RBM33: variants seen among roughly 807,000 people sequenced by gnomAD.
The protein encoded by RBM33 is RNA binding motif protein 33, also known as RNA-binding protein 33.
RBM33 carries 28 observed loss-of-function variants against 132.6 expected under a neutral mutation model. That is an observed-to-expected ratio of 0.21 (90% CI 0.16 to 0.29). The LOEUF (loss-of-function observed/expected upper bound fraction) is 0.29, where lower values mean the gene tolerates loss of function less well. RBM33 is among the 10% of genes least tolerant of loss of function. The pLI is 1.00. For synonymous variants in RBM33, 634 were observed against 593.0 expected (o/e 1.07, Z -1.01); for missense variants, 1,291 against 1,518.5 (o/e 0.85, Z 2.49).
chr7:155,742,226 G>A, intron 13 of RBM33, 120 bp downstream of exon 13: 2 of 920,484 alleles, frequency 2.2e-6, no homozygotes, highest in African/African-American at 1.9e-5. Flanking sequence ...TTTTCACCTG[G>A]GTCTTTTTTT....
rs1563183054 is a variant in RBM33 at position 155,766,607 on chromosome 7, C to T, written c.3327C>T (p.Thr1109=). The T allele has an allele frequency of 6.2e-7, 1 of 1,612,346 alleles. No homozygotes were observed. Among genetic ancestry groups the T allele is most frequent in the Admixed American group, 1.7e-5 (1 of 59,840 alleles). Residue 1109 remains threonine, a synonymous_variant, in exon 16 of 18, where the codon ACC becomes ACT. Transcript: ENST00000401878. ...VVSVEGLSSS[T]TDAQLKSLLM... is the part of the protein sequence containing the mutation. ...CTGTGGAGGGGCTGTCCTCGTCCAC[C>T]ACGGATGCCCAGCTGAAGAGCCTGC...
At chr7:155,753,289 T>A (rs951079746) in intron 14 of RBM33, among the ~76,000 whole-genome samples, 14 of 152,254 alleles carry the variant, frequency 9.2e-5, no homozygotes, top group African/African-American at 2.9e-4. Flanking sequence ...CTTTCTAGAT[T>A]TGCAAAATGG....
intron 9 of RBM33, among the ~76,000 whole-genome samples, chr7:155,734,850 A>G (rs1406362833): frequency 6.6e-6 from 1 of 152,102 alleles, no homozygotes; most frequent in Non-Finnish European, 1.5e-5. Flanking sequence ...AAGCAGAGGC[A>G]GGCAGTTGTT....
At position 155,775,198 on chromosome 7, in the gene RBM33, T is replaced by A; in HGVS notation, c.*157T>A. ...AGCGCCAGCCAGCCACGGGCCTGATTCCAGAGGAGCCGAACTGACAGGACA... is the reference window on the plus strand; with the variant it reads ...AGCGCCAGCCAGCCACGGGCCTGATACCAGAGGAGCCGAACTGACAGGACA... On this transcript the variant is annotated 3_prime_UTR_variant, in exon 18 of 18. Coordinates refer to ENST00000401878, the MANE Select transcript of RBM33 (RefSeq NM_053043.3). 1 of 734,298 alleles carries A rather than the reference T, an allele frequency of 1.4e-6. No homozygotes were observed. Among genetic ancestry groups the A allele is most frequent in the Non-Finnish European group, 2.5e-6 (1 of 403,618 alleles). The allele number at this position is 734,298 out of a possible 1,614,324, so 45.5% of individuals were successfully genotyped here.
intron 7 of RBM33, among the ~76,000 whole-genome samples, chr7:155,708,642 A>G (rs1039933521): frequency 6.6e-6 from 1 of 152,220 alleles, no homozygotes; most frequent in Non-Finnish European, 1.5e-5. Context: ...TCTGGATTGT[A>G]ATGTGACTGA....
chr7:155,659,965 T>C (rs1466171586), intron 1 of RBM33, among the ~76,000 whole-genome samples: 3 of 152,228 alleles, frequency 2.0e-5, no homozygotes, highest in South Asian at 2.1e-4. Context: ...ATGTGTCTGT[T>C]TGTCCCCAAA....
intron 9 of RBM33, among the ~76,000 whole-genome samples, chr7:155,733,332 C>T (rs998799334): frequency 2.1e-5 from 3 of 140,782 alleles, no homozygotes; most frequent in African/African-American, 8.2e-5. Flanking sequence ...ACTCCCCCCA[C>T]TGCGTTTTTA....
At chr7:155,678,780 G>A (rs970012502) in intron 4 of RBM33, 96 bp downstream of exon 4, 3 of 672,400 alleles carry the variant, frequency 4.5e-6, no homozygotes, top group South Asian at 1.9e-5. Flanking sequence ...GAATAATGTA[G>A]CCTTATATCT....
At position 155,657,259 on chromosome 7, in the gene RBM33, G is replaced by A. The variant is rs115628940; in HGVS notation, c.44-7916G>A. ...ATTTCCGGAAAGTGCTACGTAGCAC[G>A]ATGGCAGTTAAATTTCCTTCCGGAG... is the stretch of plus-strand genomic sequence containing the variant. On this transcript the variant is annotated intron_variant, in intron 1 of 17. Transcript: ENST00000401878. 4.2e-3 allele frequency among the ~76,000 whole-genome samples: 633 copies of A among 152,186 alleles called. 9 individuals carry two copies. Among genetic ancestry groups the A allele is most frequent in the African/African-American group, 0.015 (608 of 41,502 alleles).
chr7:155,753,009 A>G (rs929721715), intron 14 of RBM33, among the ~76,000 whole-genome samples: 2 of 152,178 alleles, frequency 1.3e-5, no homozygotes, highest in African/African-American at 4.8e-5. Flanking sequence ...TTTCAGGTAC[A>G]TTATAAATGT....
At chr7:155,684,882 C>A (rs764252479) in intron 5 of RBM33, 537 of 1,511,522 alleles carry the variant, frequency 3.6e-4, no homozygotes, top group Non-Finnish European at 4.4e-4. Flanking sequence ...CGTAAAAAAA[C>A]CACCCCAAAG....
At position 155,740,093 on chromosome 7, in the gene RBM33, G is replaced by A. The variant is rs1399051548; in HGVS notation, c.2049+67G>A. 11 of 1,447,110 alleles carry A rather than the reference G, an allele frequency of 7.6e-6. No individual in the cohort carries two copies. The Admixed American group carries it at 2.8e-4, about 37-fold the overall frequency. 89.6% of individuals were successfully genotyped at this position (1,447,110 alleles called of 1,614,324 possible). ...CCTTTTAACTTACAGGACTTGAGGG[G>A]CATAATATGTAGGTTAGAATATTTT... On this transcript the variant is annotated intron_variant, in intron 12 of 17. Transcript: ENST00000401878.
chr7:155,673,712 G>GTA (rs543737625), intron 3 of RBM33, among the ~76,000 whole-genome samples: 10 of 129,978 alleles, frequency 7.7e-5, no homozygotes, highest in Admixed American at 5.4e-4. Context: ...ATACACACGT[G>GTA]TATATATATA....
intron 13 of RBM33, among the ~76,000 whole-genome samples, chr7:155,744,055 G>A (rs1052633516): frequency 1.2e-4 from 18 of 152,168 alleles, no homozygotes; most frequent in African/African-American, 4.3e-4. Context: ...GGCTGGCACC[G>A]GGCACTCAAG....
intron 3 of RBM33, among the ~76,000 whole-genome samples, chr7:155,673,940 G>GTTTTTTTTTTTT (rs71186053): frequency 7.0e-4 from 38 of 54,186 alleles, no homozygotes; most frequent in East Asian, 2.0e-3. Context: ...TTTAGGCTTA[G>GTTTTTTTTTTTT]TTTTTTTTTT....
chr7:155,684,284 C>T (rs142024583), intron 5 of RBM33, among the ~76,000 whole-genome samples: 152 of 152,280 alleles, frequency 1.0e-3, no homozygotes, highest in African/African-American at 3.6e-3. Context: ...AGTCTACCTC[C>T]GCTGAGTAGG....
At chr7:155,700,717 A>G in intron 5 of RBM33, 56 bp from the exon 6 acceptor site, 1 of 1,240,214 alleles carries the variant, frequency 8.1e-7, no homozygotes. Flanking sequence ...TTAATATTTA[A>G]TTCAAAAGAA....
Position 155,644,843 on chromosome 7 carries a change from T to G in RBM33, c.-34T>G, listed in dbSNP as rs553662089. 3,778 of 1,469,192 alleles carry G rather than the reference T, an allele frequency of 2.6e-3. 85 individuals carry two copies. The African/African-American group carries it at 0.048, about 19-fold the overall frequency. The allele number at this position is 1,469,192 out of a possible 1,614,324, so 91.0% of individuals were successfully genotyped here. On this transcript the variant is annotated 5_prime_UTR_variant, in exon 1 of 18. Coordinates refer to ENST00000401878, the MANE Select transcript of RBM33 (RefSeq NM_053043.3). ...CACGTCGGCCCACCAGCTGGCTTGG[T>G]GGGGGAGGCTGAAGGCCGGGCCCCG...
At chr7:155,650,780 G>A (rs535366078) in intron 1 of RBM33, among the ~76,000 whole-genome samples, 5 of 152,136 alleles carry the variant, frequency 3.3e-5, no homozygotes, top group Admixed American at 6.5e-5. Context: ...AGTCAATTAC[G>A]ATCATTTAAA....
Sources: gnomAD v4.1 joint callset for allele counts (sites outside exome capture counted in the v4.1 genomes callset) on GRCh38, gnomAD v4.1.1 for gene constraint, MANE v1.5 for transcripts, NCBI Gene and HGNC (gene_info 2026-07-23, HGNC 2026-07-21) for gene names.